RBFOX1: variants seen among roughly 807,000 people sequenced by gnomAD.
RBFOX1 encodes RNA binding protein fox-1 homolog 1.
Under a neutral mutation model 57.7 loss-of-function variants are expected in RBFOX1, and 8 were observed. The observed-to-expected ratio is 0.14, with a 90% CI of 0.08 to 0.25. RBFOX1 has a LOEUF of 0.25. RBFOX1 is among the 10% of genes least tolerant of loss of function. The pLI, the probability that RBFOX1 is intolerant of heterozygous loss-of-function variation, is 1.00. For missense variants in RBFOX1, 611 were observed against 548.5 expected, an observed-to-expected ratio of 1.11 and a Z score of -1.14; for synonymous variants, 326 against 222.4, an observed-to-expected ratio of 1.47 and a Z score of -4.15.
intron 2 of RBFOX1, among the ~76,000 whole-genome samples, chr16:6,645,004 G>T (rs1488429679): frequency 6.6e-6 from 1 of 152,146 alleles, no homozygotes; most frequent in Non-Finnish European, 1.5e-5. Context: ...AGCTCTGGAG[G>T]CTCTACGTCC....
At chr16:7,568,882 C>CAAAAAAA (rs34858992) in intron 5 of RBFOX1, among the ~76,000 whole-genome samples, 2 of 77,550 alleles carry the variant, frequency 2.6e-5, no homozygotes, top group Non-Finnish European at 2.3e-5. Flanking sequence ...GACTCTGTCT[C>CAAAAAAA]AAAAAAAAAA....
chr16:6,814,797 AG>A (rs1437907077), intron 3 of RBFOX1, among the ~76,000 whole-genome samples: 1 of 152,090 alleles, frequency 6.6e-6, no homozygotes, highest in East Asian at 1.9e-4. Context: ...CAGCACATCA[AG>A]GGGTTTGGGT....
chr16:6,750,296 A>G (rs1372284039), intron 3 of RBFOX1, among the ~76,000 whole-genome samples: 1 of 152,214 alleles, frequency 6.6e-6, no homozygotes, highest in African/African-American at 2.4e-5. Context: ...TCATAGCCTC[A>G]CAGCAGTTCT....
intron 1 of RBFOX1, among the ~76,000 whole-genome samples, chr16:6,070,790 G>A (rs368114484): frequency 6.6e-5 from 10 of 151,500 alleles, no homozygotes; most frequent in East Asian, 5.8e-4. Context: ...TAGCTCCTAG[G>A]TAATAAAATT....
At chr16:7,115,079 G>A (rs1033004860) in intron 4 of RBFOX1, among the ~76,000 whole-genome samples, 1 of 152,168 alleles carries the variant, frequency 6.6e-6, no homozygotes, top group South Asian at 2.1e-4. Flanking sequence ...ATATTCCAAA[G>A]CCTTTGCTTA....
At chr16:7,674,583 T>A (rs1435974470) in intron 13 of RBFOX1, among the ~76,000 whole-genome samples, 1 of 152,326 alleles carries the variant, frequency 6.6e-6, no homozygotes, top group African/African-American at 2.4e-5. Flanking sequence ...AATAAAGTCA[T>A]AAATAATATC....
At chr16:6,796,974 C>G (rs560665287) in intron 3 of RBFOX1, among the ~76,000 whole-genome samples, 1 of 152,232 alleles carries the variant, frequency 6.6e-6, no homozygotes, top group African/African-American at 2.4e-5. Context: ...CAGGGCATTC[C>G]TTAGTGGGAA....
intron 3 of RBFOX1, among the ~76,000 whole-genome samples, chr16:6,853,329 G>T (rs755981736): frequency 2.6e-5 from 4 of 152,152 alleles, no homozygotes; most frequent in Admixed American, 2.0e-4. Flanking sequence ...TGGTGGTAGT[G>T]GTGGTGGCAT....
At chr16:5,965,526 C>G (rs991298051) in intron 4 of RBFOX1, among the ~76,000 whole-genome samples, 2 of 152,156 alleles carry the variant, frequency 1.3e-5, no homozygotes, top group Admixed American at 1.3e-4. Context: ...CATAACCACA[C>G]CTTCACCTAC....
intron 13 of RBFOX1, among the ~76,000 whole-genome samples, chr16:7,667,736 G>A (rs548624043): frequency 1.2e-4 from 18 of 152,080 alleles, no homozygotes; most frequent in African/African-American, 2.2e-4. Context: ...GCTGGAGTGC[G>A]GTGCAATGTC....
chr16:5,568,827 T>C (rs2046166781), intron 2 of RBFOX1, among the ~76,000 whole-genome samples: 1 of 152,084 alleles, frequency 6.6e-6, no homozygotes, highest in Admixed American at 6.6e-5. Context: ...GCTTGGGAAA[T>C]CATGACATCG....
chr16:5,996,271 C>T (rs570262759), intron 4 of RBFOX1, among the ~76,000 whole-genome samples: 6 of 152,196 alleles, frequency 3.9e-5, no homozygotes, highest in Admixed American at 2.0e-4. Context: ...TCTCTACATC[C>T]GCACCATGGC....
intron 3 of RBFOX1, among the ~76,000 whole-genome samples, chr16:6,700,145 G>T (rs1603442453): frequency 6.6e-6 from 1 of 151,940 alleles, no homozygotes; most frequent in South Asian, 2.1e-4. Context: ...CCCCTAAGGT[G>T]ATGTATTTGA....
chr16:7,360,653 C>G (rs930636678), intron 4 of RBFOX1, among the ~76,000 whole-genome samples: 4 of 152,210 alleles, frequency 2.6e-5, no homozygotes, highest in Non-Finnish European at 5.9e-5. Context: ...CAAAGTTCCT[C>G]TCCCTTGCTT....
At chr16:7,108,988 T>C (rs1247942001) in intron 4 of RBFOX1, among the ~76,000 whole-genome samples, 1 of 152,102 alleles carries the variant, frequency 6.6e-6, no homozygotes, top group Non-Finnish European at 1.5e-5. Context: ...GTGTGGTAGG[T>C]TTGCATTTGT....
chr16:7,371,543 A>G (rs1433270366), intron 4 of RBFOX1, among the ~76,000 whole-genome samples: 1 of 152,176 alleles, frequency 6.6e-6, no homozygotes, highest in Non-Finnish European at 1.5e-5. Flanking sequence ...TGAGGTCAGG[A>G]GATCGAGACC....
At chr16:6,036,286 T>C (rs115178172) in intron 1 of RBFOX1, among the ~76,000 whole-genome samples, 70 of 152,296 alleles carry the variant, frequency 4.6e-4, no homozygotes, top group African/African-American at 1.6e-3. Context: ...TAACTTCTGA[T>C]GTATAAAGGC....
chr16:6,546,373 C>G (rs760941363), intron 2 of RBFOX1, among the ~76,000 whole-genome samples: 1 of 152,176 alleles, frequency 6.6e-6, no homozygotes, highest in Non-Finnish European at 1.5e-5. Context: ...AAATGACAGA[C>G]ATTTATTGCC....
At chr16:7,621,627 GT>G (rs1448421931) in intron 10 of RBFOX1, among the ~76,000 whole-genome samples, 8 of 152,116 alleles carry the variant, frequency 5.3e-5, no homozygotes, top group Admixed American at 1.3e-4. Context: ...AAAAGCCTGT[GT>G]TTGAAAAAAG....
Sources: allele counts gnomAD v4.1 joint callset (sites outside exome capture counted in the v4.1 genomes callset), GRCh38; gene constraint gnomAD v4.1.1; transcripts MANE v1.5; gene names NCBI Gene and HGNC (gene_info 2026-07-23, HGNC 2026-07-21).